SLC4A4: variants seen among roughly 807,000 people sequenced by gnomAD.
SLC4A4 encodes the protein electrogenic sodium bicarbonate cotransporter 1.
In SLC4A4, 27 loss-of-function variants were observed where a neutral mutation model predicts 111.5. The observed-to-expected ratio is 0.24, with a 90% confidence interval of 0.18 to 0.33. SLC4A4 has a LOEUF of 0.33. Ranked by LOEUF, SLC4A4 falls within the 10% of genes least tolerant of loss-of-function variation. The probability of loss-of-function intolerance (pLI) is 1.00; values close to 1 mark genes in which losing one functional copy is unlikely to be tolerated. For synonymous variants in SLC4A4, 443 were observed against 463.4 expected, an observed-to-expected ratio of 0.96 and a Z score of 0.57; for missense variants, 909 against 1,315.5, an observed-to-expected ratio of 0.69 and a Z score of 4.78.
rs796296600 is a variant in SLC4A4 at position 71,073,458 on chromosome 4, A to G, written c.-65+10670A>G. Among the ~76,000 whole-genome samples the G allele has an allele frequency of 5.3e-4, 80 of 152,320 alleles. 1 individual carries two copies. The highest frequency in any genetic ancestry group is 1.9e-3 in the African/African-American group (77 of 41,566). Reference sequence around the variant, plus strand: ...AAATGAAGTCAAAATGCTTTCTGCAAGGGTGCCTCATATGTTTGATTCTTT... The same window carrying G: ...AAATGAAGTCAAAATGCTTTCTGCAGGGGTGCCTCATATGTTTGATTCTTT... On this transcript the variant is annotated intron_variant, in intron 1 of 26. Coordinates refer to the SLC4A4 transcript ENST00000649996.
intron 6 of SLC4A4, among the ~76,000 whole-genome samples, chr4:71,375,454 ATTC>A (rs1464695428): frequency 2.0e-5 from 3 of 152,144 alleles, no homozygotes; most frequent in African/African-American, 7.2e-5. Context: ...CACTTGGAAT[ATTC>A]TTCTTCCTCC....
intron 16 of SLC4A4, among the ~76,000 whole-genome samples, chr4:71,497,956 A>T (rs1460845963): frequency 3.3e-5 from 5 of 152,184 alleles, no homozygotes; most frequent in Non-Finnish European, 7.4e-5. Context: ...AAAAAAAATG[A>T]GATGAATTAT....
chr4:71,523,909 C>CT (rs1733186852), intron 16 of SLC4A4, among the ~76,000 whole-genome samples: 1 of 152,134 alleles, frequency 6.6e-6, no homozygotes, highest in Admixed American at 6.6e-5. Flanking sequence ...AGTGTTAGGA[C>CT]TTTAAACACC....
At chr4:71,534,454 T>C in intron 18 of SLC4A4, 66 bp downstream of exon 18, 2 of 1,513,690 alleles carry the variant, frequency 1.3e-6, no homozygotes, top group Non-Finnish European at 1.8e-6. Context: ...AAACACTAAT[T>C]GATTAAAAAC....
At chr4:71,301,339 C>T (rs1725241609) in intron 3 of SLC4A4, 2 of 224,320 alleles carry the variant, frequency 8.9e-6, no homozygotes, top group South Asian at 6.1e-5. Context: ...GAGTCATCTG[C>T]CAACTCCATA....
chr4:71,290,043 G>A (rs1466113035), intron 3 of SLC4A4, among the ~76,000 whole-genome samples: 2 of 152,128 alleles, frequency 1.3e-5, no homozygotes, highest in Non-Finnish European at 2.9e-5. Context: ...TTAAAGTAAC[G>A]AAGGTTTAGA....
At chr4:71,286,422 G>T (rs1723925654) in intron 3 of SLC4A4, among the ~76,000 whole-genome samples, 1 of 152,180 alleles carries the variant, frequency 6.6e-6, no homozygotes, top group African/African-American at 2.4e-5. Context: ...TCAGCTGGTG[G>T]ATACTTAGTT....
At chr4:71,424,290 G>A (rs1275927693) in intron 7 of SLC4A4, among the ~76,000 whole-genome samples, 2 of 152,044 alleles carry the variant, frequency 1.3e-5, no homozygotes, top group Non-Finnish European at 2.9e-5. Flanking sequence ...ACCACAATGA[G>A]ATATCATCTC....
intron 2 of SLC4A4, among the ~76,000 whole-genome samples, chr4:71,096,297 T>C (rs918787594): frequency 1.3e-5 from 2 of 152,022 alleles, no homozygotes; most frequent in South Asian, 4.2e-4. Context: ...TAGAATACAG[T>C]AGTAGCTAGG....
At chr4:71,310,529 A>G in intron 3 of SLC4A4, among the ~76,000 whole-genome samples, 1 of 152,218 alleles carries the variant, frequency 6.6e-6, no homozygotes, top group East Asian at 1.9e-4. Context: ...GTGGGGCCCA[A>G]TATTCAATAG....
At chr4:71,420,554 A>T (rs1297517455) in intron 7 of SLC4A4, among the ~76,000 whole-genome samples, 1 of 152,228 alleles carries the variant, frequency 6.6e-6, no homozygotes, top group African/African-American at 2.4e-5. Flanking sequence ...CAAAGTTGAA[A>T]TGAAGGAAAA....
chr4:71,147,231 C>A (rs1191953825), intron 2 of SLC4A4, among the ~76,000 whole-genome samples: 1 of 152,128 alleles, frequency 6.6e-6, no homozygotes, highest in African/African-American at 2.4e-5. Context: ...TGTTGTTTAA[C>A]AAGAAGCCCT....
At chr4:71,487,369 C>G (rs1729507163) in intron 15 of SLC4A4, among the ~76,000 whole-genome samples, 1 of 151,660 alleles carries the variant, frequency 6.6e-6, no homozygotes, top group South Asian at 2.1e-4. Flanking sequence ...TATCCTCTCT[C>G]TGTTTCTCGT....
intron 3 of SLC4A4, among the ~76,000 whole-genome samples, chr4:71,298,189 A>G (rs1724961255): frequency 6.6e-6 from 1 of 152,222 alleles, no homozygotes. Context: ...ATAAAAAGTT[A>G]GTAATAAATG....
chr4:71,090,664 T>A (rs774060992), intron 1 of SLC4A4, among the ~76,000 whole-genome samples: 1 of 152,186 alleles, frequency 6.6e-6, no homozygotes, highest in African/African-American at 2.4e-5. Flanking sequence ...GCAGCCAAAA[T>A]ACACGGATGC....
chr4:71,290,021 T>G lies in SLC4A4; in HGVS notation c.253+34622T>G, dbSNP rs183362458. 2.4e-3 allele frequency among the ~76,000 whole-genome samples: 358 copies of G among 152,338 alleles called. 3 individuals carry two copies. Among genetic ancestry groups the G allele is most frequent in the African/African-American group, 8.3e-3 (346 of 41,578 alleles). ...TGGAGAAAGTATTAGGGAGCTGTTT[T>G]GTAACCTAGATTTAAAGTAACGAAG... On this transcript the variant is annotated intron_variant, in intron 3 of 25. Coordinates refer to ENST00000264485, the MANE Select transcript of SLC4A4 (RefSeq NM_001098484.3).
chr4:71,340,602 A>G (rs1728831848), intron 4 of SLC4A4, among the ~76,000 whole-genome samples: 1 of 152,186 alleles, frequency 6.6e-6, no homozygotes, highest in Admixed American at 6.5e-5. Flanking sequence ...TATTTCAAGT[A>G]TAAACCTGTA....
intron 12 of SLC4A4, among the ~76,000 whole-genome samples, chr4:71,461,302 A>G (rs1402822066): frequency 2.0e-5 from 3 of 152,058 alleles, no homozygotes; most frequent in Non-Finnish European, 4.4e-5. Context: ...AAAAAAATAG[A>G]AAATTTTTTG....
chr4:71,074,686 A>G (rs188356590), intron 1 of SLC4A4, among the ~76,000 whole-genome samples: 162 of 152,238 alleles, frequency 1.1e-3, no homozygotes, highest in Non-Finnish European at 1.3e-3. Flanking sequence ...GGAGGGAAAG[A>G]GGGAAGGGAG....
Sources: gnomAD v4.1 joint callset for allele counts (sites outside exome capture counted in the v4.1 genomes callset) on GRCh38, gnomAD v4.1.1 for gene constraint, MANE v1.5 for transcripts, NCBI Gene and HGNC (gene_info 2026-07-23, HGNC 2026-07-21) for gene names.